Variants in TBC1D22A observed in about 807,000 individuals in gnomAD.
TBC1D22A encodes the protein putative GTPase activator.
In TBC1D22A, 38 loss-of-function variants were observed where a neutral mutation model predicts 60.2. The ratio of observed to expected loss-of-function variants is 0.63; its 90% CI spans 0.49 to 0.83. The LOEUF (loss-of-function observed/expected upper bound fraction) is 0.83, where lower values mean the gene tolerates loss of function less well. Ranked by LOEUF, TBC1D22A falls within the 40% of genes least tolerant of loss-of-function variation. The pLI, the probability that TBC1D22A is intolerant of heterozygous loss-of-function variation, is 0.00. For synonymous variants in TBC1D22A, 302 were observed against 281.7 expected, an observed-to-expected ratio of 1.07 and a Z score of -0.72; for missense variants, 628 against 701.0, an observed-to-expected ratio of 0.90 and a Z score of 1.18.
At chr22:47,155,262 C>T (rs1340658219) in intron 12 of TBC1D22A, among the ~76,000 whole-genome samples, 1 of 152,104 alleles carries the variant, frequency 6.6e-6, no homozygotes, top group African/African-American at 2.4e-5. Flanking sequence ...CATCGCTGTG[C>T]CATGAGAGAC....
At chr22:47,144,056 C>T (rs541419998) in intron 12 of TBC1D22A, among the ~76,000 whole-genome samples, 81 of 152,334 alleles carry the variant, frequency 5.3e-4, no homozygotes, top group African/African-American at 1.8e-3. Flanking sequence ...TGGTTCAGCC[C>T]GATGTCCCTA....
chr22:46,997,734 C>G, intron 10 of TBC1D22A, 25 bp downstream of exon 10: 1 of 1,611,220 alleles, frequency 6.2e-7, no homozygotes, highest in Non-Finnish European at 8.5e-7. Flanking sequence ...CGCGCAGCCC[C>G]TCTCTGTGGG....
At chr22:47,146,235 G>T (rs574382623) in intron 12 of TBC1D22A, among the ~76,000 whole-genome samples, 21 of 152,192 alleles carry the variant, frequency 1.4e-4, no homozygotes, top group African/African-American at 5.1e-4. Context: ...AGGGCTCCTC[G>T]CTGTGTTCTC....
intron 1 of TBC1D22A, among the ~76,000 whole-genome samples, chr22:46,773,349 C>G (rs562213974): frequency 1.3e-5 from 2 of 152,332 alleles, no homozygotes; most frequent in Admixed American, 6.5e-5. Flanking sequence ...TGTCTGTGTG[C>G]GGAGCAGGCT....
intron 4 of TBC1D22A, among the ~76,000 whole-genome samples, chr22:46,865,742 C>G (rs1441991102): frequency 2.0e-5 from 3 of 152,228 alleles, no homozygotes; most frequent in African/African-American, 7.2e-5. Context: ...AATGCCCCCC[C>G]ATGGGGGAGG....
chr22:47,021,975 C>T (rs986074096), intron 10 of TBC1D22A, among the ~76,000 whole-genome samples: 2 of 152,144 alleles, frequency 1.3e-5, no homozygotes, highest in Admixed American at 6.5e-5. Flanking sequence ...CAGTGAGGGT[C>T]TCAGAAGGGT....
At chr22:46,902,944 C>T (rs1602392630) in intron 7 of TBC1D22A, among the ~76,000 whole-genome samples, 1 of 150,814 alleles carries the variant, frequency 6.6e-6, no homozygotes, top group East Asian at 1.9e-4. Context: ...CGACTGCATT[C>T]CAGGGTGGCT....
At chr22:46,849,962 T>G (rs1186899585) in intron 4 of TBC1D22A, among the ~76,000 whole-genome samples, 1 of 152,196 alleles carries the variant, frequency 6.6e-6, no homozygotes, top group Non-Finnish European at 1.5e-5. Context: ...GGTGATGATA[T>G]TTTAGTTTAG....
intron 10 of TBC1D22A, among the ~76,000 whole-genome samples, chr22:47,018,172 T>G (rs1376242178): frequency 6.6e-6 from 1 of 152,246 alleles, no homozygotes; most frequent in East Asian, 1.9e-4. Context: ...CCTGCGTCAG[T>G]GTGGCTGCTG....
intron 7 of TBC1D22A, among the ~76,000 whole-genome samples, chr22:46,911,834 G>A (rs2069948887): frequency 6.6e-6 from 1 of 151,642 alleles, no homozygotes; most frequent in African/African-American, 2.4e-5. Context: ...TGGGAGGATT[G>A]CTTGAACCTG....
chr22:46,800,214 G>A (rs1024743496), intron 4 of TBC1D22A, among the ~76,000 whole-genome samples: 2 of 152,088 alleles, frequency 1.3e-5, no homozygotes, highest in South Asian at 2.1e-4. Flanking sequence ...ACTTGAGAAC[G>A]TTTCTTCAGG....
intron 1 of TBC1D22A, among the ~76,000 whole-genome samples, chr22:46,767,548 G>C (rs1041280711): frequency 1.3e-5 from 2 of 152,182 alleles, no homozygotes; most frequent in Non-Finnish European, 2.9e-5. Flanking sequence ...CTCTCCCAGA[G>C]CTTACAGTGC....
chr22:46,978,856 G>A (rs946382458), intron 9 of TBC1D22A, among the ~76,000 whole-genome samples: 7 of 152,144 alleles, frequency 4.6e-5, no homozygotes, highest in East Asian at 3.8e-4. Context: ...TGATCTGCCC[G>A]CCTCAGCCTC....
chr22:46,973,926 T>C (rs559314410), intron 8 of TBC1D22A, among the ~76,000 whole-genome samples: 7 of 152,328 alleles, frequency 4.6e-5, no homozygotes, highest in African/African-American at 1.7e-4. Context: ...TGTAAATATA[T>C]CAGAAGCAGA....
intron 11 of TBC1D22A, among the ~76,000 whole-genome samples, chr22:47,088,883 G>A (rs759800170): frequency 2.0e-5 from 3 of 152,168 alleles, no homozygotes; most frequent in African/African-American, 4.8e-5. Context: ...ACAGCGAAGC[G>A]TTCTCGCACA....
intron 12 of TBC1D22A, among the ~76,000 whole-genome samples, chr22:47,140,569 AGAAAG>A (rs1274152684): frequency 6.7e-5 from 10 of 148,414 alleles, no homozygotes; most frequent in Non-Finnish European, 1.5e-4. Context: ...AAAAAAAAAA[AGAAAG>A]AAAGAAAGAA....
intron 12 of TBC1D22A, among the ~76,000 whole-genome samples, chr22:47,150,047 G>A (rs1410652634): frequency 3.3e-5 from 5 of 152,112 alleles, no homozygotes; most frequent in African/African-American, 9.7e-5. Context: ...CAGGGGCTGG[G>A]ATTAGCCCCT....
At chr22:46,999,635 G>A (rs1189176381) in intron 10 of TBC1D22A, among the ~76,000 whole-genome samples, 1 of 152,144 alleles carries the variant, frequency 6.6e-6, no homozygotes, top group Non-Finnish European at 1.5e-5. Flanking sequence ...TTGCCTCCTA[G>A]AGAAAGGATT....
chr22:46,978,514 A>G (rs1203188608), intron 9 of TBC1D22A, among the ~76,000 whole-genome samples: 5 of 152,244 alleles, frequency 3.3e-5, no homozygotes, highest in African/African-American at 1.2e-4. Context: ...ATCTACTTCT[A>G]CATTCAATTT....
Sources: gnomAD v4.1 joint callset for allele counts (sites outside exome capture counted in the v4.1 genomes callset) on GRCh38, gnomAD v4.1.1 for gene constraint, MANE v1.5 for transcripts, NCBI Gene and HGNC (gene_info 2026-07-23, HGNC 2026-07-21) for gene names.